The following PEAK3 variants were observed in gnomAD, a reference collection of about 807,000 sequenced individuals.
PEAK3 encodes the protein PEAK family member 3.
Under a neutral mutation model 13.3 loss-of-function variants are expected in PEAK3, and 15 were observed. The observed-to-expected ratio is 1.13, with a 90% CI of 0.75 to 1.73. The LOEUF (loss-of-function observed/expected upper bound fraction) is 1.73. Ranked by LOEUF, PEAK3 falls within the 40% of genes most tolerant of loss-of-function variation. PEAK3 has a pLI of 0.00. For missense variants in PEAK3, 739 were observed against 690.2 expected (o/e 1.07, Z -0.79); for synonymous variants, 347 against 341.9 (o/e 1.01, Z -0.17).
At position 2,276,218 on chromosome 19, in the gene PEAK3, AG is replaced by A. The variant is rs2025385718; in HGVS notation, c.883del (p.Leu295TrpfsTer8). 1.9e-6 allele frequency: 3 copies of A among 1,573,966 alleles called. No individual in the cohort carries two copies. The highest frequency in any genetic ancestry group is 4.7e-5 in the East Asian group (2 of 42,128). On this transcript the variant is annotated frameshift_variant, in exon 4 of 4. Transcript: ENST00000342063. LOFTEE classifies it low-confidence loss of function (END_TRUNC). The part of the protein sequence containing the change: ...LLQLSAALKF[L>X]EAWGAALVEL... ...GACTAGGGCCGCGCCCCACGCCTCC[AG>A]GAACTTCAGGGCCGCGCTCAGCTGC...
chr19:2,276,528 G>T, intron 3 of PEAK3, 39 bp from the exon 4 acceptor site: 1 of 1,443,886 alleles, frequency 6.9e-7, no homozygotes, highest in Non-Finnish European at 9.1e-7. Flanking sequence ...GGATCACTGG[G>T]CCCCCCACAA....
At chr19:2,279,529 G>A (rs796667465) in intron 2 of PEAK3, among the ~76,000 whole-genome samples, 3 of 151,880 alleles carry the variant, frequency 2.0e-5, no homozygotes, top group African/African-American at 7.3e-5. Flanking sequence ...GGTGGTGGGC[G>A]CCTGTGGTCC....
chr19:2,278,583 C>T lies in PEAK3; in HGVS notation c.612+1G>A, dbSNP rs772560196. The T allele has an allele frequency of 1.4e-5, 21 of 1,477,436 alleles. No individual in the cohort carries two copies. The highest frequency in any genetic ancestry group is 1.8e-5 in the Non-Finnish European group (20 of 1,115,044). The allele number at this position is 1,477,436 out of a possible 1,614,324, so 91.5% of individuals were successfully genotyped here. ...AGAGAGGGTGGGGCTGTGGGGCTCA[C>T]CTTGGCGACCAGGATGTGCCAGGCG... is the stretch of plus-strand genomic sequence containing the variant. On this transcript the variant is annotated splice_donor_variant, in intron 3 of 3. Transcript: ENST00000342063. LOFTEE classifies it high-confidence loss of function.
At position 2,275,690 on chromosome 19, in the gene PEAK3, A is replaced by T. The variant is rs1198067183; in HGVS notation, c.1412T>A (p.Leu471Gln). The T allele has an allele frequency of 6.7e-7, 1 of 1,491,638 alleles. No homozygotes were observed. 92.4% of individuals were successfully genotyped at this position (1,491,638 alleles called of 1,614,324 possible). A position where few individuals can be genotyped will look rare whatever the true frequency, so the allele number is the denominator to read the frequency against. The change falls in exon 4 of 4, where the codon CTG (leucine) becomes CAG (glutamine). Residue 471 changes from leucine to glutamine, a missense_variant. By Grantham distance (113) the Leu-to-Gln change is moderately radical. Coordinates refer to ENST00000342063, the MANE Select transcript of PEAK3 (RefSeq NM_198532.3). ...CGCCCTGGGTTGGGGTCAGTCCCAC[A>T]GCAGCGCCAGGGCCTGGCCCATCGA... ...ESSMGQALAL[L>Q]WD
Position 2,280,922 on chromosome 19 carries a change from G to A in PEAK3, c.10C>T (p.Pro4Ser), listed in dbSNP as rs2025433663. 3.2e-6 allele frequency: 5 copies of A among 1,565,026 alleles called. No individual in the cohort carries two copies. In the African/African-American group the frequency reaches 6.9e-5, roughly 22 times the overall value. ...TCGGGGGGCTCTGTGGGGGGCTCCG[G>A]GCTGCTCATGTTGCTGGGGAAAGGT... MSS[P>S]EPPTEPPEPD... The change falls in exon 2 of 4, where the codon CCG becomes TCG. Residue 4 changes from proline to serine, a missense_variant. By Grantham distance (74) the Pro-to-Ser change is moderately conservative. Transcript: ENST00000342063.
Position 2,275,865 on chromosome 19 carries a change from GCGGTGCTCCGCGGCCGCGC to G in PEAK3, c.1218_1236del (p.Arg407LeufsTer23), listed in dbSNP as rs2145068320. ...CCGAGCGCTCGGAGCCAGGGACCAA[GCGGTGCTCCGCGGCCGCGC>G]AGCTCAGGCCCGGGCCCCCAGAGCA... On this transcript the variant is annotated frameshift_variant, in exon 4 of 4. Transcript: ENST00000342063. LOFTEE classifies it low-confidence loss of function (END_TRUNC). 1 of 1,458,628 alleles carries G rather than the reference GCGGTGCTCCGCGGCCGCGC, an allele frequency of 6.9e-7. No homozygotes were observed. Among genetic ancestry groups the G allele is most frequent in the South Asian group, 1.3e-5 (1 of 74,564 alleles). The allele number at this position is 1,458,628 out of a possible 1,614,324, so 90.4% of individuals were successfully genotyped here.
chr19:2,281,297 G>A (rs2025436932), intron 1 of PEAK3, among the ~76,000 whole-genome samples: 1 of 125,180 alleles, frequency 8.0e-6, no homozygotes, highest in Non-Finnish European at 1.7e-5. Context: ...GATCCTGAGT[G>A]GGTTTGCTGC....
At chr19:2,280,792 C>A (rs976191098) in intron 2 of PEAK3, 58 bp downstream of exon 2, 1 of 1,380,472 alleles carries the variant, frequency 7.2e-7, no homozygotes, top group South Asian at 1.4e-5. Flanking sequence ...CCGCTCCCTG[C>A]ACCCCCCTGC....
intron 2 of PEAK3, 60 bp from the exon 3 acceptor site, chr19:2,279,173 ACT>A: frequency 7.7e-7 from 1 of 1,291,592 alleles, no homozygotes. Flanking sequence ...GGGACACGTG[ACT>A]CCACCTCTCA....
Position 2,278,944 on chromosome 19 carries a change from CT to C in PEAK3, c.251del (p.Gln84ArgfsTer29). 1 of 1,608,356 alleles carries C rather than the reference CT, an allele frequency of 6.2e-7. No individual in the cohort carries two copies. The highest frequency in any genetic ancestry group is 8.5e-7 in the Non-Finnish European group (1 of 1,177,388). ...ACCCCAGAAAGGGTCTCCGAGGCGG[CT>C]GTACTTGGATGGAGCTGGGATGGAG... ...RTLHPSSIQV[Q>X]PPRRPFLGSH... On this transcript the variant is annotated frameshift_variant, in exon 3 of 4. Transcript: ENST00000342063. LOFTEE classifies it high-confidence loss of function.
rs776761674 is a variant in PEAK3 at position 2,276,284 on chromosome 19, G to A, written c.818C>T (p.Pro273Leu). 4 of 1,591,842 alleles carry A rather than the reference G, an allele frequency of 2.5e-6. No individual in the cohort carries two copies. Among genetic ancestry groups the A allele is most frequent in the South Asian group, 1.1e-5 (1 of 89,488 alleles). ...AQWLAEACTQ[P>L]PEEFVWAVAL... ...CACAGCCCACACGAACTCCTCCGGC[G>A]GCTGCGTGCAGGCCTCCGCCAGCCA... The change falls in exon 4 of 4, where the codon CCG becomes CTG. Residue 273 changes from proline (P) to leucine (L), a missense_variant. Pro to Leu is a moderately conservative substitution (Grantham distance 98). Transcript: ENST00000342063.
intron 2 of PEAK3, 40 bp from the exon 3 acceptor site, chr19:2,279,153 G>T: frequency 1.4e-6 from 2 of 1,381,668 alleles, no homozygotes; most frequent in South Asian, 1.7e-5. Flanking sequence ...AGGACAGGCG[G>T]AGTGGGAACG....
At chr19:2,279,876 A>G (rs1454985643) in intron 2 of PEAK3, among the ~76,000 whole-genome samples, 1 of 150,504 alleles carries the variant, frequency 6.6e-6, no homozygotes, top group East Asian at 2.0e-4. Context: ...CAGCCTCCCA[A>G]GTAGCTGGGA....
chr19:2,280,756 C>A (rs1466335781), intron 2 of PEAK3, 94 bp downstream of exon 2: 13 of 1,002,030 alleles, frequency 1.3e-5, no homozygotes, highest in Non-Finnish European at 1.8e-5. Flanking sequence ...GCCCGGCAAC[C>A]TCCTGCCGCT....
intron 2 of PEAK3, among the ~76,000 whole-genome samples, chr19:2,280,182 C>T (rs1224163012): frequency 6.6e-6 from 1 of 151,472 alleles, no homozygotes; most frequent in Non-Finnish European, 1.5e-5. Context: ...CCTGCCTCAG[C>T]CTCCCGAGTA....
intron 2 of PEAK3, 49 bp downstream of exon 2, chr19:2,280,801 G>C (rs745820667): frequency 7.1e-7 from 1 of 1,414,078 alleles, no homozygotes; most frequent in Non-Finnish European, 9.6e-7. Context: ...GCACCCCCCT[G>C]CCGCTCCCTG....
Position 2,276,136 on chromosome 19 carries a change from C to A in PEAK3, c.966G>T (p.Gly322=), listed in dbSNP as rs1170429364. 8 of 1,539,846 alleles carry A rather than the reference C, an allele frequency of 5.2e-6. No homozygotes were observed. The highest frequency in any genetic ancestry group is 2.8e-5 in the African/African-American group (2 of 72,492). The change falls in exon 4 of 4, where the codon GGG becomes GGT. Residue 322 remains glycine, a synonymous_variant. Coordinates refer to ENST00000342063, the MANE Select transcript of PEAK3 (RefSeq NM_198532.3). The part of the protein sequence containing the change: ...LVAPRGCATT[G]PPRLLLTDFG... ...AGTCAGTGAGGAGCAGGCGTGGGGG[C>A]CCCGTCGTCGCACAGCCCCGAGGTG...
chr19:2,276,885 G>T (rs2025395447), intron 3 of PEAK3, among the ~76,000 whole-genome samples: 2 of 152,182 alleles, frequency 1.3e-5, no homozygotes, highest in East Asian at 3.9e-4. Flanking sequence ...GTGGTGGCGC[G>T]CCTGTCATCC....
At chr19:2,277,916 C>T (rs36064137) in intron 3 of PEAK3, among the ~76,000 whole-genome samples, 21,938 of 147,004 alleles carry the variant, frequency 0.15, 1,911 homozygotes, top group East Asian at 0.37. Flanking sequence ...CAGGCTGGAG[C>T]GCAGTGGTGC....
Sources: gnomAD v4.1 joint callset for allele counts (sites outside exome capture counted in the v4.1 genomes callset) on GRCh38, gnomAD v4.1.1 for gene constraint, MANE v1.5 for transcripts, NCBI Gene and HGNC (gene_info 2026-07-23, HGNC 2026-07-21) for gene names.